Variants in AMPH observed in about 807,000 individuals in gnomAD.
The protein encoded by AMPH is amphiphysin (Stiff-Mann syndrome with breast cancer 128kD autoantigen).
A neutral mutation model predicts 99.1 loss-of-function variants in AMPH; 49 were observed. That is an observed-to-expected ratio of 0.49 (90% CI 0.39 to 0.63). AMPH has a LOEUF of 0.63. Ranked by LOEUF, AMPH falls within the 20% of genes least tolerant of loss-of-function variation. The pLI is 0.00. For synonymous variants in AMPH, 314 were observed against 317.3 expected, an observed-to-expected ratio of 0.99 and a Z score of 0.11; for missense variants, 759 against 863.4, an observed-to-expected ratio of 0.88 and a Z score of 1.52.
Position 38,466,374 on chromosome 7 carries a change from C to T in AMPH, c.591-126G>A, listed in dbSNP as rs1787653819. The T allele has an allele frequency of 1.2e-5, 9 of 746,284 alleles. No homozygotes were observed. In the South Asian group the frequency reaches 1.4e-4, roughly 11 times the overall value. The allele number at this position is 746,284 out of a possible 1,614,324, so 46.2% of individuals were successfully genotyped here. A position where few individuals can be genotyped will look rare whatever the true frequency, so the allele number is the denominator to read the frequency against. ...TTACACCATTTTGAATAACTTTGGA[C>T]TAAATAAAATACTGAACCCAAAGCA... is the stretch of plus-strand genomic sequence containing the variant. On this transcript the variant is annotated intron_variant, in intron 7 of 20. Transcript: ENST00000356264.
chr7:38,614,383 A>G (rs1481788921), intron 1 of AMPH, among the ~76,000 whole-genome samples: 1 of 152,220 alleles, frequency 6.6e-6, no homozygotes, highest in African/African-American at 2.4e-5. Flanking sequence ...AAGCACCTGG[A>G]AAGATGAAAA....
Position 38,467,781 on chromosome 7 carries a change from C to T in AMPH, c.591-1533G>A, listed in dbSNP as rs1254634026. Among the ~76,000 whole-genome samples the T allele has an allele frequency of 2.0e-5, 3 of 151,672 alleles. No homozygotes were observed. In the East Asian group the frequency reaches 5.8e-4, roughly 29 times the overall value. On this transcript the variant is annotated intron_variant, in intron 7 of 20. Coordinates refer to ENST00000356264, the MANE Select transcript of AMPH (RefSeq NM_001635.4). ...CAAGAAGGCATACATGATTACATAT[C>T]AAAAGTGAGTGGATATGGGCAGAAA...
chr7:38,502,763 C>T (rs987656919), intron 3 of AMPH, among the ~76,000 whole-genome samples: 2 of 152,164 alleles, frequency 1.3e-5, no homozygotes, highest in African/African-American at 4.8e-5. Context: ...CTCTGGGTCC[C>T]TTCTTCGGCC....
At chr7:38,429,646 T>C in intron 14 of AMPH, 196 bp downstream of exon 14, 4 of 1,401,616 alleles carry the variant, frequency 2.9e-6, no homozygotes, top group South Asian at 1.4e-5. Flanking sequence ...ATGGTAAGAT[T>C]TGATGAGAAA....
At chr7:38,391,002 A>G (rs1784476011) in intron 19 of AMPH, among the ~76,000 whole-genome samples, 1 of 82,080 alleles carries the variant, frequency 1.2e-5, no homozygotes, top group Non-Finnish European at 3.0e-5. Flanking sequence ...AGAGAGAGAG[A>G]GAGAGAGAGA....
At chr7:38,542,870 C>T (rs1441609596) in intron 1 of AMPH, among the ~76,000 whole-genome samples, 4 of 151,660 alleles carry the variant, frequency 2.6e-5, no homozygotes, top group South Asian at 2.1e-4. Context: ...CTGAGGCAGG[C>T]GGATCACAAG....
intron 1 of AMPH, among the ~76,000 whole-genome samples, chr7:38,541,683 T>C (rs1421913378): frequency 6.6e-6 from 1 of 152,184 alleles, no homozygotes; most frequent in African/African-American, 2.4e-5. Context: ...GAGAGAATAT[T>C]CACAGCCTCT....
chr7:38,418,218 C>T (rs1785456293), intron 16 of AMPH, among the ~76,000 whole-genome samples: 1 of 152,104 alleles, frequency 6.6e-6, no homozygotes, highest in South Asian at 2.1e-4. Context: ...TTTTACCTAC[C>T]CATTTTACTT....
intron 13 of AMPH, among the ~76,000 whole-genome samples, chr7:38,431,039 AG>A (rs1562749699): frequency 5.9e-5 from 9 of 152,228 alleles, no homozygotes. Flanking sequence ...CCACATCACC[AG>A]GGCTTTTCTA....
intron 1 of AMPH, among the ~76,000 whole-genome samples, chr7:38,596,430 C>T (rs68192104): frequency 0.24 from 37,163 of 151,900 alleles, 5,232 homozygotes; most frequent in Non-Finnish European, 0.33. Context: ...GAAGTATAGG[C>T]AGTAGAGGGT....
intron 1 of AMPH, among the ~76,000 whole-genome samples, chr7:38,570,927 T>TTA (rs142367196): frequency 0.06 from 1,200 of 19,956 alleles, 247 homozygotes; most frequent in South Asian, 0.093. Flanking sequence ...ACAAAAAAAT[T>TTA]TATATATATA....
At chr7:38,607,225 G>A (rs550715572) in intron 1 of AMPH, among the ~76,000 whole-genome samples, 38 of 152,154 alleles carry the variant, frequency 2.5e-4, no homozygotes, top group Middle Eastern at 3.4e-3. Flanking sequence ...TCTACCAACC[G>A]AAAATTTCTC....
chr7:38,565,763 G>A (rs917740750), intron 1 of AMPH, among the ~76,000 whole-genome samples: 2 of 152,244 alleles, frequency 1.3e-5, no homozygotes, highest in Non-Finnish European at 2.9e-5. Flanking sequence ...GCAAAGGGAG[G>A]CTGAGCTGCA....
intron 1 of AMPH, among the ~76,000 whole-genome samples, chr7:38,570,747 G>A (rs1428791144): frequency 6.7e-6 from 1 of 149,524 alleles, no homozygotes; most frequent in African/African-American, 2.5e-5. Flanking sequence ...GGTCCTTCAG[G>A]AGGTGTACCT....
chr7:38,586,742 A>G (rs546357973), intron 1 of AMPH, among the ~76,000 whole-genome samples: 1 of 152,346 alleles, frequency 6.6e-6, no homozygotes, highest in South Asian at 2.1e-4. Context: ...TCTCATCATT[A>G]TCCTCATCAT....
chr7:38,570,943 ATT>A lies in AMPH; in HGVS notation c.70-35934_70-35933del, dbSNP rs372756619. Among the ~76,000 whole-genome samples, 287 of 45,122 alleles carry A rather than the reference ATT, an allele frequency of 6.4e-3. 47 individuals carry two copies. Among genetic ancestry groups the A allele is most frequent in the African/African-American group, 0.013 (182 of 13,900 alleles). 29.6% of individuals were successfully genotyped at this position (45,122 alleles called of 152,430 possible). ...CAAAAAAATTTATATATATATATAT[ATT>A]TATATATATAGAATATATATATAGA... On this transcript the variant is annotated intron_variant, in intron 1 of 20. Coordinates refer to ENST00000356264, the MANE Select transcript of AMPH (RefSeq NM_001635.4).
rs529891674 is a variant in AMPH at position 38,526,495 on chromosome 7, C to A, written c.150+8436G>T. Among the ~76,000 whole-genome samples the A allele has an allele frequency of 1.0e-3, 120 of 114,584 alleles. 4 individuals are homozygous for A. In the South Asian group the frequency reaches 0.034, roughly 33 times the overall value. The allele number at this position is 114,584 out of a possible 152,430, so 75.2% of individuals were successfully genotyped here. ...TTTGCCATGTTAACCAGGTTGGTTT[C>A]GAACTCCTGACCTCAAGTGATCCAC... On this transcript the variant is annotated intron_variant, in intron 2 of 20. Transcript: ENST00000356264.
intron 9 of AMPH, chr7:38,464,116 A>G: frequency 7.8e-7 from 1 of 1,289,826 alleles, no homozygotes; most frequent in Non-Finnish European, 1.0e-6. Flanking sequence ...GAATGTTGAA[A>G]AAAAGTGAAA....
chr7:38,392,027 G>T lies in AMPH; in HGVS notation c.1609-10C>A, dbSNP rs1002534143. 5 of 1,601,922 alleles carry T rather than the reference G, an allele frequency of 3.1e-6. No homozygotes were observed. In the African/African-American group the frequency reaches 4.0e-5, roughly 13 times the overall value. On this transcript the variant is annotated splice_polypyrimidine_tract_variant and intron_variant, in intron 18 of 20. Coordinates refer to ENST00000356264, the MANE Select transcript of AMPH (RefSeq NM_001635.4). ...AAGGAATGACCTTCTCCTGGGGGAAGAAAAACCGTGGCGATGCCCGGCAGG... is the reference window on the plus strand; with the variant it reads ...AAGGAATGACCTTCTCCTGGGGGAATAAAAACCGTGGCGATGCCCGGCAGG...
Sources: allele counts gnomAD v4.1 joint callset (sites outside exome capture counted in the v4.1 genomes callset), GRCh38; gene constraint gnomAD v4.1.1; transcripts MANE v1.5; gene names NCBI Gene and HGNC (gene_info 2026-07-23, HGNC 2026-07-21).